The following TUSC3 variants were observed in gnomAD, a reference collection of about 807,000 sequenced individuals.
TUSC3 encodes the protein tumor suppressor candidate 3, also known as dolichyl-diphosphooligosaccharide--protein glycosyltransferase subunit TUSC3.
A neutral mutation model predicts 44.8 loss-of-function variants in TUSC3; 45 were observed. The ratio of observed to expected loss-of-function variants is 1.00; its 90% confidence interval spans 0.79 to 1.29. The LOEUF is 1.29. Among genes scored for constraint, TUSC3 ranks in the 50% most tolerant of loss-of-function variants. TUSC3 has a pLI of 0.00. For synonymous variants in TUSC3, 212 were observed against 152.9 expected, an observed-to-expected ratio of 1.39 and a Z score of -2.85; for missense variants, 519 against 437.9, an observed-to-expected ratio of 1.19 and a Z score of -1.65.
At chr8:15,764,168 A>G (rs758037861) in intron 10 of TUSC3, 35 bp from the exon 11 acceptor site, 20 of 1,564,860 alleles carry the variant, frequency 1.3e-5, no homozygotes, top group East Asian at 6.8e-5. Context: ...CTTATGTTCT[A>G]TGTTCAGCAC....
At chr8:15,610,520 T>C (rs1389836721) in intron 1 of TUSC3, among the ~76,000 whole-genome samples, 1 of 152,056 alleles carries the variant, frequency 6.6e-6, no homozygotes, top group Non-Finnish European at 1.5e-5. Flanking sequence ...GAATATTAAT[T>C]TAACATCTGG....
chr8:15,525,684 G>A (rs1255281317), intron 2 of TUSC3, among the ~76,000 whole-genome samples: 1 of 152,122 alleles, frequency 6.6e-6, no homozygotes, highest in Non-Finnish European at 1.5e-5. Context: ...ATGGTGGTTG[G>A]AGGATTCTTT....
chr8:15,832,358 A>G, the TUSC3 span, among the ~76,000 whole-genome samples: 5 of 152,222 alleles, frequency 3.3e-5, no homozygotes, highest in South Asian at 6.2e-4. Flanking sequence ...CTGTGACACT[A>G]CACATCAGCC....
intron 1 of TUSC3, among the ~76,000 whole-genome samples, chr8:15,593,710 A>T (rs1419637260): frequency 1.3e-5 from 2 of 152,014 alleles, no homozygotes; most frequent in East Asian, 3.9e-4. Flanking sequence ...TTCTACCATT[A>T]TATTGAAATT....
intron 1 of TUSC3, among the ~76,000 whole-genome samples, chr8:15,458,242 C>G (rs144992299): frequency 6.6e-6 from 1 of 151,818 alleles, no homozygotes; most frequent in Non-Finnish European, 1.5e-5. Context: ...ATGCTTCTTT[C>G]TTTTTTTTCT....
the TUSC3 span, among the ~76,000 whole-genome samples, chr8:15,838,402 G>C: frequency 1.3e-5 from 2 of 152,114 alleles, no homozygotes; most frequent in African/African-American, 2.4e-5. Context: ...TGCCAGGATA[G>C]CTCAGTTTCC....
chr8:15,705,601 A>G (rs1029187082), intron 6 of TUSC3, among the ~76,000 whole-genome samples: 1 of 152,108 alleles, frequency 6.6e-6, no homozygotes, highest in African/African-American at 2.4e-5. Context: ...TTGCTCTGAT[A>G]AAAGTTTCTC....
At chr8:15,434,833 A>G (rs1015845548) in intron 1 of TUSC3, among the ~76,000 whole-genome samples, 1 of 151,932 alleles carries the variant, frequency 6.6e-6, no homozygotes, top group African/African-American at 2.4e-5. Context: ...ATGGTTTCCA[A>G]CTTCATCCAT....
At chr8:15,755,013 A>G (rs570407419) in intron 9 of TUSC3, among the ~76,000 whole-genome samples, 61 of 152,246 alleles carry the variant, frequency 4.0e-4, no homozygotes, top group African/African-American at 1.4e-3. Flanking sequence ...GCTAAAGGAT[A>G]AAAATCTACT....
chr8:15,810,655 G>T, the TUSC3 span, among the ~76,000 whole-genome samples: 1 of 151,522 alleles, frequency 6.6e-6, no homozygotes, highest in African/African-American at 2.4e-5. Flanking sequence ...AGGAGGGGGG[G>T]CGGGAAAGAA....
intron 1 of TUSC3, among the ~76,000 whole-genome samples, chr8:15,583,348 A>G (rs936068985): frequency 2.0e-5 from 3 of 152,190 alleles, no homozygotes; most frequent in Non-Finnish European, 4.4e-5. Context: ...AATAAAACTC[A>G]CTTTAGATTT....
chr8:15,790,658 C>A, the TUSC3 span, among the ~76,000 whole-genome samples: 1 of 152,086 alleles, frequency 6.6e-6, no homozygotes, highest in Non-Finnish European at 1.5e-5. Flanking sequence ...ACAACCTCTA[C>A]CTAGAAGGGT....
intron 6 of TUSC3, among the ~76,000 whole-genome samples, chr8:15,711,728 GA>G (rs1236868802): frequency 3.3e-5 from 5 of 151,702 alleles, no homozygotes; most frequent in Admixed American, 3.3e-4. Flanking sequence ...ATAGTATCTT[GA>G]TTGTTTATAT....
chr8:15,695,145 T>C (rs1037299160), intron 6 of TUSC3, among the ~76,000 whole-genome samples: 2 of 152,206 alleles, frequency 1.3e-5, no homozygotes, highest in African/African-American at 2.4e-5. Flanking sequence ...CAGGAAGGCA[T>C]GCAGTTAGCA....
intron 7 of TUSC3, among the ~76,000 whole-genome samples, chr8:15,742,865 A>G (rs188921060): frequency 8.9e-4 from 135 of 152,284 alleles, no homozygotes; most frequent in Non-Finnish European, 7.8e-4. Context: ...AAAATTTCCC[A>G]TTTTCTTAAT....
intron 2 of TUSC3, among the ~76,000 whole-genome samples, chr8:15,517,765 T>C (rs1050086285): frequency 6.6e-6 from 1 of 152,098 alleles, no homozygotes; most frequent in African/African-American, 2.4e-5. Context: ...TTTTTAAATT[T>C]CTTTACCTAA....
chr8:15,504,280 T>C (rs1024282897), intron 2 of TUSC3, among the ~76,000 whole-genome samples: 2 of 151,960 alleles, frequency 1.3e-5, no homozygotes, highest in Non-Finnish European at 2.9e-5. Flanking sequence ...TCCTACCTCA[T>C]AGACATTGAC....
chr8:15,780,333 G>A, the TUSC3 span, among the ~76,000 whole-genome samples: 7 of 152,168 alleles, frequency 4.6e-5, no homozygotes, highest in African/African-American at 4.8e-5. Flanking sequence ...TCCCTGAGGG[G>A]AGGAGAGTTT....
At chr8:15,437,258 C>G (rs1350837782) in intron 1 of TUSC3, among the ~76,000 whole-genome samples, 1 of 152,104 alleles carries the variant, frequency 6.6e-6, no homozygotes, top group Non-Finnish European at 1.5e-5. Flanking sequence ...TCCAGCAATT[C>G]ACATGTACCA....
Sources: allele counts gnomAD v4.1 joint callset (sites outside exome capture counted in the v4.1 genomes callset), GRCh38; gene constraint gnomAD v4.1.1; transcripts MANE v1.5; gene names NCBI Gene and HGNC (gene_info 2026-07-23, HGNC 2026-07-21).